Variants in CELF4 observed in about 807,000 individuals in gnomAD.
CELF4 encodes CUGBP Elav-like family member 4.
In CELF4, 18 loss-of-function variants were observed where a neutral mutation model predicts 59.9. That is an observed-to-expected ratio of 0.30 (90% CI 0.21 to 0.45). The LOEUF (loss-of-function observed/expected upper bound fraction) is 0.45. Among genes scored for constraint, CELF4 ranks in the 20% least tolerant of loss-of-function variants. The pLI, the probability that CELF4 is intolerant of heterozygous loss-of-function variation, is 1.00. For synonymous variants in CELF4, 261 were observed against 267.1 expected, an observed-to-expected ratio of 0.98 and a Z score of 0.22; for missense variants, 456 against 689.0, an observed-to-expected ratio of 0.66 and a Z score of 3.79.
intron 3 of CELF4, among the ~76,000 whole-genome samples, chr18:37,310,305 TCG>T (rs1264287303): frequency 3.3e-5 from 5 of 152,144 alleles, no homozygotes; most frequent in African/African-American, 1.2e-4. Context: ...CCGCCTGCTC[TCG>T]CTCCCTCCCT....
At chr18:37,520,622 G>C (rs1195865581) in intron 1 of CELF4, among the ~76,000 whole-genome samples, 1 of 152,094 alleles carries the variant, frequency 6.6e-6, no homozygotes, top group African/African-American at 2.4e-5. Context: ...GAAGCCACTG[G>C]TGCTGTCTGT....
At chr18:37,321,227 G>A (rs886326305) in intron 3 of CELF4, among the ~76,000 whole-genome samples, 3 of 152,106 alleles carry the variant, frequency 2.0e-5, no homozygotes, top group Admixed American at 1.3e-4. Context: ...GGCTCTCCAC[G>A]GCCAGTCTCC....
intron 1 of CELF4, among the ~76,000 whole-genome samples, chr18:37,555,215 G>A (rs1194762589): frequency 6.6e-6 from 1 of 152,152 alleles, no homozygotes; most frequent in Non-Finnish European, 1.5e-5. Context: ...CATGCTTTCC[G>A]TGCCTCATCC....
At chr18:37,315,108 C>T (rs560649033) in intron 3 of CELF4, among the ~76,000 whole-genome samples, 1 of 152,254 alleles carries the variant, frequency 6.6e-6, no homozygotes, top group South Asian at 2.1e-4. Context: ...GGTTTTCTTT[C>T]TTGCTGTGTT....
At chr18:37,255,415 G>C (rs2068629148) in intron 11 of CELF4, among the ~76,000 whole-genome samples, 1 of 151,440 alleles carries the variant, frequency 6.6e-6, no homozygotes, top group Admixed American at 6.6e-5. Context: ...GCTCAAGTTT[G>C]CTCCTACAGC....
intron 2 of CELF4, among the ~76,000 whole-genome samples, chr18:37,334,878 C>T (rs1038713204): frequency 3.9e-5 from 6 of 152,176 alleles, no homozygotes; most frequent in African/African-American, 1.2e-4. Flanking sequence ...TTAATCCCTA[C>T]GCCACAGCCT....
chr18:37,404,544 G>A (rs2099361937), intron 2 of CELF4, among the ~76,000 whole-genome samples: 1 of 152,172 alleles, frequency 6.6e-6, no homozygotes, highest in South Asian at 2.1e-4. Flanking sequence ...GGGCCCTCCC[G>A]AAGCCATGGG....
intron 11 of CELF4, among the ~76,000 whole-genome samples, chr18:37,255,750 G>A (rs2068890923): frequency 6.6e-6 from 1 of 152,272 alleles, no homozygotes; most frequent in Non-Finnish European, 1.5e-5. Flanking sequence ...GTCCCTGCCA[G>A]GACAAGGTAG....
At chr18:37,334,040 C>T (rs1319869636) in intron 2 of CELF4, among the ~76,000 whole-genome samples, 1 of 152,168 alleles carries the variant, frequency 6.6e-6, no homozygotes, top group Non-Finnish European at 1.5e-5. Flanking sequence ...CTTGGCCTCC[C>T]ACTCTCCTGA....
At chr18:37,495,711 C>T (rs914023684) in intron 1 of CELF4, among the ~76,000 whole-genome samples, 1 of 152,060 alleles carries the variant, frequency 6.6e-6, no homozygotes, top group African/African-American at 2.4e-5. Context: ...GGAGTGCCTT[C>T]CCCATGCAGA....
intron 2 of CELF4, among the ~76,000 whole-genome samples, chr18:37,334,456 C>A (rs993598461): frequency 6.6e-6 from 1 of 152,034 alleles, no homozygotes; most frequent in Non-Finnish European, 1.5e-5. Context: ...CTGTGACTGG[C>A]CCTTCCCAGC....
chr18:37,330,358 T>G (rs1212335738), intron 2 of CELF4, among the ~76,000 whole-genome samples: 1 of 152,210 alleles, frequency 6.6e-6, no homozygotes, highest in East Asian at 1.9e-4. Flanking sequence ...TGAGGGCTTC[T>G]GCAGTGCCCT....
At chr18:37,550,362 G>T (rs1276574747) in intron 1 of CELF4, among the ~76,000 whole-genome samples, 1 of 152,112 alleles carries the variant, frequency 6.6e-6, no homozygotes, top group Non-Finnish European at 1.5e-5. Flanking sequence ...CAGGGGAAAT[G>T]AATAATAGAA....
chr18:37,493,236 G>T (rs910618608), intron 1 of CELF4, among the ~76,000 whole-genome samples: 1 of 152,152 alleles, frequency 6.6e-6, no homozygotes, highest in Non-Finnish European at 1.5e-5. Context: ...CCCCTTTAGA[G>T]CCCACGTAAC....
intron 10 of CELF4, among the ~76,000 whole-genome samples, chr18:37,263,526 G>A (rs1378771459): frequency 6.6e-6 from 1 of 152,062 alleles, no homozygotes; most frequent in Non-Finnish European, 1.5e-5. Flanking sequence ...TAGAGAGGAT[G>A]GGACCTTGTT....
At chr18:37,379,344 A>AT (rs1283653539) in intron 2 of CELF4, among the ~76,000 whole-genome samples, 1 of 151,812 alleles carries the variant, frequency 6.6e-6, no homozygotes, top group Non-Finnish European at 1.5e-5. Flanking sequence ...CCTAAAAGGG[A>AT]TTGGGAGTAT....
intron 2 of CELF4, among the ~76,000 whole-genome samples, chr18:37,429,339 T>G (rs1175820791): frequency 1.3e-5 from 2 of 152,130 alleles, no homozygotes; most frequent in Non-Finnish European, 2.9e-5. Context: ...AGCATGTGTA[T>G]GTGCCTCTGT....
intron 2 of CELF4, among the ~76,000 whole-genome samples, chr18:37,430,250 T>C (rs2099640385): frequency 2.0e-5 from 3 of 152,138 alleles, no homozygotes; most frequent in African/African-American, 7.2e-5. Context: ...ATCCACTCAG[T>C]CAATGCTGGT....
chr18:37,501,170 G>A (rs1232718694), intron 1 of CELF4, among the ~76,000 whole-genome samples: 1 of 152,206 alleles, frequency 6.6e-6, no homozygotes, highest in African/African-American at 2.4e-5. Flanking sequence ...GCATGGCATT[G>A]TGACAAGACA....
Sources: gnomAD v4.1 joint callset for allele counts (sites outside exome capture counted in the v4.1 genomes callset) on GRCh38, gnomAD v4.1.1 for gene constraint, MANE v1.5 for transcripts, NCBI Gene and HGNC (gene_info 2026-07-23, HGNC 2026-07-21) for gene names.